Variants in LRRK2 observed in about 807,000 individuals in gnomAD.
LRRK2 encodes leucine-rich repeat serine/threonine-protein kinase 2.
LRRK2 carries 203 observed loss-of-function variants against 302.6 expected under a neutral mutation model. The ratio of observed to expected loss-of-function variants is 0.67; its 90% CI spans 0.60 to 0.75. The LOEUF (loss-of-function observed/expected upper bound fraction) is 0.75, where lower values mean the gene tolerates loss of function less well. Ranked by LOEUF, LRRK2 falls within the 30% of genes least tolerant of loss-of-function variation. The pLI is 0.00. For missense variants in LRRK2, 2,830 were observed against 2,951.0 expected (o/e 0.96, Z 0.95); for synonymous variants, 1,066 against 1,031.9 (o/e 1.03, Z -0.63).
At chr12:40,356,837 A>G (rs1285999932) in intron 46 of LRRK2, among the ~76,000 whole-genome samples, 1 of 152,198 alleles carries the variant, frequency 6.6e-6, no homozygotes, top group African/African-American at 2.4e-5. Context: ...ATATTTGTAC[A>G]TATTTATGGG....
intron 2 of LRRK2, among the ~76,000 whole-genome samples, chr12:40,227,302 T>C (rs1462505203): frequency 6.6e-6 from 1 of 152,238 alleles, no homozygotes; most frequent in Non-Finnish European, 1.5e-5. Flanking sequence ...CATTTTTCTT[T>C]GTGTTGGCAA....
At position 40,309,145 on chromosome 12, in the gene LRRK2, C is replaced by T. The variant is rs72546327; in HGVS notation, c.4229C>T (p.Thr1410Met). The change falls in exon 30 of 51, where the codon ACG becomes ATG. Residue 1410 changes from threonine (T) to methionine (M), a missense_variant. Coordinates refer to ENST00000298910, the MANE Select transcript of LRRK2 (RefSeq NM_198578.4). ...EFYSTHPHFM[T>M]QRALYLAVYD... ...TATAGTACTCATCCCCATTTTATGA[C>T]GCAGCGAGCATTGTACCTTGCTGTC... 1.2e-3 allele frequency: 1,870 copies of T among 1,613,692 alleles called. 18 individuals are homozygous for T. In the African/African-American group the frequency reaches 0.021, roughly 18 times the overall value.
intron 35 of LRRK2, 93 bp from the exon 36 acceptor site, chr12:40,321,942 A>G: frequency 8.1e-7 from 1 of 1,238,576 alleles, no homozygotes; most frequent in Non-Finnish European, 1.2e-6. Flanking sequence ...TTCAAAATGA[A>G]TAGATCTGTA....
intron 12 of LRRK2, among the ~76,000 whole-genome samples, chr12:40,258,646 AT>A (rs1443192419): frequency 1.3e-5 from 2 of 152,300 alleles, no homozygotes; most frequent in East Asian, 3.9e-4. Flanking sequence ...AAGTAAACAG[AT>A]TATTATAATA....
intron 14 of LRRK2, among the ~76,000 whole-genome samples, chr12:40,264,714 A>G (rs1220238780): frequency 6.6e-6 from 1 of 152,226 alleles, no homozygotes. Context: ...AACCTCTGAA[A>G]TGATTTGGTA....
At chr12:40,270,929 A>G (rs1943206326) in intron 14 of LRRK2, among the ~76,000 whole-genome samples, 1 of 152,008 alleles carries the variant, frequency 6.6e-6, no homozygotes, top group African/African-American at 2.4e-5. Context: ...AACTGGATAT[A>G]CTTACTTATT....
intron 19 of LRRK2, chr12:40,286,403 G>A (rs942963743): frequency 6.6e-6 from 1 of 151,802 alleles, no homozygotes; most frequent in African/African-American, 2.4e-5. Context: ...GCCTTCTTGG[G>A]GTTTATCATA....
Position 40,274,844 on chromosome 12 carries a change from A to AT in LRRK2, c.1802-6dup. On this transcript the variant is annotated splice_polypyrimidine_tract_variant and intron_variant, in intron 15 of 50. Coordinates refer to ENST00000298910, the MANE Select transcript of LRRK2 (RefSeq NM_198578.4). Reference sequence around the variant, plus strand: ...AGATTTAAAACAATTCTTTTTTTTTATTTTCCTAGAAATTCAGTGTCTGGG... The same window carrying AT: ...AGATTTAAAACAATTCTTTTTTTTTATTTTTCCTAGAAATTCAGTGTCTGGG... The AT allele has an allele frequency of 6.2e-7, 1 of 1,607,024 alleles. No individual in the cohort carries two copies. Among genetic ancestry groups the AT allele is most frequent in the Non-Finnish European group, 8.5e-7 (1 of 1,174,552 alleles).
intron 40 of LRRK2, among the ~76,000 whole-genome samples, chr12:40,337,273 A>G (rs1299928878): frequency 1.4e-4 from 22 of 152,148 alleles, no homozygotes. Context: ...ACATACAAGA[A>G]CTTTCTTCAC....
chr12:40,263,888 C>T lies in LRRK2; in HGVS notation c.1643C>T (p.Ala548Val). 1 of 1,604,844 alleles carries T rather than the reference C, an allele frequency of 6.2e-7. No individual in the cohort carries two copies. Among genetic ancestry groups the T allele is most frequent in the Non-Finnish European group, 8.5e-7 (1 of 1,172,018 alleles). ...AATGATATTCACAAACTGGTCCTAG[C>T]AGCTTTGAACAGGGTATGTTGAATA... ...FKNDIHKLVL[A>V]ALNRFIGNPG... The change falls in exon 14 of 51, where the codon GCA becomes GTA. Residue 548 changes from alanine (A) to valine (V), a missense_variant. Physicochemically the swap from Ala to Val is moderately conservative, Grantham distance 64. Coordinates refer to ENST00000298910, the MANE Select transcript of LRRK2 (RefSeq NM_198578.4).
At chr12:40,280,590 A>C (rs1361470588) in intron 18 of LRRK2, among the ~76,000 whole-genome samples, 1 of 150,680 alleles carries the variant, frequency 6.6e-6, no homozygotes, top group African/African-American at 2.4e-5. Context: ...GCACCATTGC[A>C]CTCCAGCCTA....
chr12:40,240,377 A>G lies in LRRK2; in HGVS notation c.572-106A>G, dbSNP rs931744901. The G allele has an allele frequency of 9.1e-6, 9 of 989,978 alleles. No individual in the cohort carries two copies. In the African/African-American group the frequency reaches 1.5e-4, roughly 16 times the overall value. 61.3% of individuals were successfully genotyped at this position (989,978 alleles called of 1,614,324 possible). ...AATATATTTTTTATTTAAGGAGATT[A>G]CACTTGATGTATCTCACACAACTAT... On this transcript the variant is annotated intron_variant, in intron 5 of 50. Coordinates refer to ENST00000298910, the MANE Select transcript of LRRK2 (RefSeq NM_198578.4).
intron 6 of LRRK2, among the ~76,000 whole-genome samples, chr12:40,241,703 G>A (rs1941728532): frequency 6.6e-6 from 1 of 152,232 alleles, no homozygotes; most frequent in Admixed American, 6.5e-5. Flanking sequence ...TATGTGTGTT[G>A]TATACTATAT....
chr12:40,355,881 A>G (rs1184490031), intron 45 of LRRK2, among the ~76,000 whole-genome samples: 1 of 152,180 alleles, frequency 6.6e-6, no homozygotes, highest in Non-Finnish European at 1.5e-5. Flanking sequence ...AATGGCTCCC[A>G]GGTCCTTGGA....
chr12:40,313,910 A>C, intron 31 of LRRK2, 62 bp from the exon 32 acceptor site: 18 of 1,445,498 alleles, frequency 1.2e-5, no homozygotes, highest in Non-Finnish European at 1.5e-5. Context: ...TGAATTTGCC[A>C]ACCATTTGAC....
At chr12:40,301,147 A>G in intron 25 of LRRK2, 2 of 456,144 alleles carry the variant, frequency 4.4e-6, no homozygotes, top group Admixed American at 2.3e-5. Context: ...CACAATCTTA[A>G]TAGTTTGAGA....
chr12:40,281,671 T>G (rs1425491182), intron 18 of LRRK2, among the ~76,000 whole-genome samples: 3 of 152,238 alleles, frequency 2.0e-5, no homozygotes, highest in African/African-American at 7.2e-5. Flanking sequence ...AATTAATTCT[T>G]ATTTTTGCTG....
At chr12:40,281,861 G>C (rs1005687841) in intron 18 of LRRK2, among the ~76,000 whole-genome samples, 1 of 152,196 alleles carries the variant, frequency 6.6e-6, no homozygotes, top group African/African-American at 2.4e-5. Context: ...TTTCAAGATG[G>C]TTTGTAGGTC....
chr12:40,293,552 A>C lies in LRRK2; in HGVS notation c.2697A>C (p.Glu899Asp), dbSNP rs148113070. Residue 899 changes from glutamate to aspartate, a missense_variant, in exon 21 of 51, where the codon GAA becomes GAC. Coordinates refer to ENST00000298910, the MANE Select transcript of LRRK2 (RefSeq NM_198578.4). ...QSDDLDSEGSEGSFLVKKKSN... is the reference protein window; with the variant it reads ...QSDDLDSEGSDGSFLVKKKSN... ...TTATCATTTTCAAAATAGGAAGTGA[A>C]GGCTCATTTCTTGTGAAAAAGAAAT... 9.3e-5 allele frequency: 149 copies of C among 1,594,244 alleles called. No individual in the cohort carries two copies. In the African/African-American group the frequency reaches 1.4e-3, roughly 15 times the overall value.
Sources: allele counts gnomAD v4.1 joint callset (sites outside exome capture counted in the v4.1 genomes callset), GRCh38; gene constraint gnomAD v4.1.1; transcripts MANE v1.5; gene names NCBI Gene and HGNC (gene_info 2026-07-23, HGNC 2026-07-21).